EEFSEC: variants seen among roughly 807,000 people sequenced by gnomAD.
EEFSEC encodes selenocysteine-specific elongation factor.
A neutral mutation model predicts 42.1 loss-of-function variants in EEFSEC; 43 were observed. The ratio of observed to expected loss-of-function variants is 1.02; its 90% CI spans 0.80 to 1.32. The LOEUF is 1.32. EEFSEC is among the 40% of genes most tolerant of loss of function. EEFSEC has a pLI of 0.00. For synonymous variants in EEFSEC, 354 were observed against 339.1 expected (o/e 1.04, Z -0.48); for missense variants, 745 against 803.6 (o/e 0.93, Z 0.88).
chr3:128,188,384 C>T (rs1231172715), intron 1 of EEFSEC, among the ~76,000 whole-genome samples: 1 of 152,078 alleles, frequency 6.6e-6, no homozygotes, highest in Non-Finnish European at 1.5e-5. Flanking sequence ...AGGCATGCAG[C>T]AGCCCCAGGG....
chr3:128,194,071 G>T (rs2065555566), intron 1 of EEFSEC, among the ~76,000 whole-genome samples: 1 of 152,190 alleles, frequency 6.6e-6, no homozygotes, highest in Admixed American at 6.5e-5. Flanking sequence ...TGCCACAAAG[G>T]CTGCACTTAC....
chr3:128,182,882 G>GC, intron 1 of EEFSEC, among the ~76,000 whole-genome samples: 1 of 110,908 alleles, frequency 9.0e-6, no homozygotes, highest in South Asian at 3.1e-4. Flanking sequence ...AGAGATCGGG[G>GC]CGGGGGGGTG....
At chr3:128,220,514 T>A (rs4323023) in intron 1 of EEFSEC, among the ~76,000 whole-genome samples, 107,847 of 151,962 alleles carry the variant, frequency 0.71, 38,501 homozygotes, top group East Asian at 0.89. Context: ...GCGGCTGGCC[T>A]GCTTCCCCCC....
At chr3:128,318,964 A>C (rs530272009) in intron 4 of EEFSEC, among the ~76,000 whole-genome samples, 1 of 152,290 alleles carries the variant, frequency 6.6e-6, no homozygotes, top group South Asian at 2.1e-4. Context: ...AGGAGAAATG[A>C]CTTGCCGGTG....
At chr3:128,364,972 C>T (rs373531456) in intron 6 of EEFSEC, among the ~76,000 whole-genome samples, 2 of 152,216 alleles carry the variant, frequency 1.3e-5, no homozygotes, top group East Asian at 3.8e-4. Flanking sequence ...TAAGTGGGCA[C>T]AGCATACCTG....
intron 4 of EEFSEC, among the ~76,000 whole-genome samples, chr3:128,289,818 C>A (rs898865399): frequency 1.3e-5 from 2 of 152,202 alleles, no homozygotes; most frequent in Non-Finnish European, 2.9e-5. Flanking sequence ...CTGTGGGGGC[C>A]ACCAATATGG....
chr3:128,272,247 A>G (rs1361427995), intron 4 of EEFSEC, among the ~76,000 whole-genome samples: 3 of 152,160 alleles, frequency 2.0e-5, no homozygotes, highest in South Asian at 2.1e-4. Flanking sequence ...ACATCACGCT[A>G]TCGAAGGATC....
At position 128,153,527 on chromosome 3, in the gene EEFSEC, A is replaced by G. The variant is rs1195222467; in HGVS notation, c.20A>G (p.Asn7Ser). 6.6e-7 allele frequency: 1 copy of G among 1,515,376 alleles called. No individual in the cohort carries two copies. Among genetic ancestry groups the G allele is most frequent in the African/African-American group, 1.4e-5 (1 of 69,118 alleles). The allele number at this position is 1,515,376 out of a possible 1,614,324, so 93.9% of individuals were successfully genotyped here. Reference protein sequence around the residue: MAGRRVNVNVGVLGHID... With the variant: MAGRRVSVNVGVLGHID... ...GGCGGCATGGCAGGGCGGCGGGTGAACGTGAACGTGGGCGTGCTGGGCCAC... is the reference window on the plus strand; with the variant it reads ...GGCGGCATGGCAGGGCGGCGGGTGAGCGTGAACGTGGGCGTGCTGGGCCAC... Residue 7 changes from asparagine to serine, a missense_variant, in exon 1 of 7, where the codon AAC becomes AGC. Physicochemically the swap from Asn to Ser is conservative, Grantham distance 46. Transcript: ENST00000254730.
intron 1 of EEFSEC, among the ~76,000 whole-genome samples, chr3:128,233,583 T>A (rs1477968481): frequency 1.3e-5 from 2 of 152,260 alleles, no homozygotes; most frequent in Non-Finnish European, 1.5e-5. Context: ...CTGAGCTCCC[T>A]CATGCTTCTG....
intron 1 of EEFSEC, among the ~76,000 whole-genome samples, chr3:128,162,409 A>G (rs1434667933): frequency 1.3e-5 from 2 of 152,202 alleles, no homozygotes; most frequent in Non-Finnish European, 2.9e-5. Flanking sequence ...TTCAAGTACA[A>G]GTTTTCTTGT....
intron 5 of EEFSEC, among the ~76,000 whole-genome samples, chr3:128,351,115 G>C (rs2067379935): frequency 6.6e-6 from 1 of 152,120 alleles, no homozygotes; most frequent in Non-Finnish European, 1.5e-5. Flanking sequence ...CTGGTGGGGT[G>C]GGTAAGAGGG....
chr3:128,220,320 A>G (rs147849832), intron 1 of EEFSEC, among the ~76,000 whole-genome samples: 1 of 152,240 alleles, frequency 6.6e-6, no homozygotes, highest in East Asian at 1.9e-4. Flanking sequence ...AATAATCTCA[A>G]TTACTCCCAC....
rs532529814 is a variant in EEFSEC, at chr3:128,295,483, A to G, written c.786+30702A>G. ...TTTTTTTTTTTTTTTTTGCTGGCAA[A>G]TATACAGACCTAGTATGATATGTGT... is the stretch of plus-strand genomic sequence containing the variant. On this transcript the variant is annotated intron_variant, in intron 4 of 6. Coordinates refer to ENST00000254730, the MANE Select transcript of EEFSEC (RefSeq NM_021937.5). Among the ~76,000 whole-genome samples the G allele has an allele frequency of 1.4e-3, 103 of 73,404 alleles. 1 individual carries two copies. The highest frequency in any genetic ancestry group is 4.0e-3 in the African/African-American group (98 of 24,316). The allele number at this position is 73,404 out of a possible 152,430, so 48.2% of individuals were successfully genotyped here.
intron 2 of EEFSEC, among the ~76,000 whole-genome samples, chr3:128,254,018 A>G (rs1192180905): frequency 6.6e-6 from 1 of 152,216 alleles, no homozygotes; most frequent in Non-Finnish European, 1.5e-5. Context: ...AGGCCAGGGC[A>G]GTGGGATGAG....
intron 1 of EEFSEC, among the ~76,000 whole-genome samples, chr3:128,216,640 C>T (rs977966293): frequency 2.0e-5 from 3 of 152,278 alleles, no homozygotes; most frequent in Non-Finnish European, 4.4e-5. Context: ...GTCTCTGTCA[C>T]ACCCTTAGCC....
chr3:128,315,730 G>A (rs1464629957), intron 4 of EEFSEC, among the ~76,000 whole-genome samples: 2 of 152,146 alleles, frequency 1.3e-5, no homozygotes, highest in Non-Finnish European at 2.9e-5. Flanking sequence ...TACTCGTCAG[G>A]GCCAGTGGTG....
In EEFSEC at chr3:128,341,559, A is replaced by G; in HGVS notation, c.1113A>G (p.Gln371=). ...EPILDSFNFS[Q]EYLFQEQYLS... is the part of the protein sequence containing the mutation. The stretch of plus-strand genomic sequence containing the variant: ...TACTGGACTCTTTCAACTTCTCTCA[A>G]GAATACCTTTTCCAGGAGCAGTACC... Residue 371 remains glutamine (Q), a synonymous_variant, in exon 5 of 7, where the codon CAA becomes CAG. Transcript: ENST00000254730. 1 of 1,614,096 alleles carries G rather than the reference A, an allele frequency of 6.2e-7. No homozygotes were observed. Among genetic ancestry groups the G allele is most frequent in the African/African-American group, 1.3e-5 (1 of 75,060 alleles).
the EEFSEC span, among the ~76,000 whole-genome samples, chr3:128,420,599 C>T: frequency 6.6e-6 from 1 of 152,242 alleles, no homozygotes; most frequent in Non-Finnish European, 1.5e-5. Flanking sequence ...GAGCCCTCCA[C>T]GTCCTTCTTT....
At chr3:128,201,130 A>G (rs184541864) in intron 1 of EEFSEC, among the ~76,000 whole-genome samples, 42 of 152,300 alleles carry the variant, frequency 2.8e-4, no homozygotes, top group Non-Finnish European at 5.3e-4. Context: ...CCTTGAAATA[A>G]TGAGTTTAAA....
Sources: allele counts gnomAD v4.1 joint callset (sites outside exome capture counted in the v4.1 genomes callset), GRCh38; gene constraint gnomAD v4.1.1; transcripts MANE v1.5; gene names NCBI Gene and HGNC (gene_info 2026-07-23, HGNC 2026-07-21).